TOP6BL: variants seen among roughly 807,000 people sequenced by gnomAD.
TOP6BL encodes TOP6B like initiator of meiotic double strand breaks.
At chr11:66,751,974 C>T in the TOP6BL span, among the ~76,000 whole-genome samples, 18 of 152,134 alleles carry the variant, frequency 1.2e-4, no homozygotes, top group Non-Finnish European at 7.4e-5. Context: ...GTTTCATCCT[C>T]CTGAAAAACT....
chr11:66,746,098 G>C, the TOP6BL span, among the ~76,000 whole-genome samples: 10 of 152,030 alleles, frequency 6.6e-5, no homozygotes, highest in African/African-American at 2.4e-4. Context: ...GTGAGCCACC[G>C]TGCCCGGCCC....
At chr11:66,842,561 AG>A in the TOP6BL span, among the ~76,000 whole-genome samples, 1 of 152,188 alleles carries the variant, frequency 6.6e-6, no homozygotes, top group Non-Finnish European at 1.5e-5. Flanking sequence ...TGCAGACTCC[AG>A]GAAGAATCTA....
the TOP6BL span, chr11:66,838,500 C>T: frequency 9.2e-6 from 14 of 1,516,706 alleles, no homozygotes; most frequent in East Asian, 2.3e-5. Context: ...AAGTAAAAAA[C>T]GTGAGTTCAA....
chr11:66,789,465 T>C, the TOP6BL span, among the ~76,000 whole-genome samples: 1 of 152,194 alleles, frequency 6.6e-6, no homozygotes, highest in African/African-American at 2.4e-5. Flanking sequence ...AATTATATGC[T>C]CATTCTGAAA....
chr11:66,816,142 C>T, the TOP6BL span: 4 of 1,607,310 alleles, frequency 2.5e-6, no homozygotes, highest in African/African-American at 1.3e-5. Context: ...AACTCTGCTG[C>T]TTTTTCTCTT....
At chr11:66,843,069 G>A in the TOP6BL span, 1 of 1,575,330 alleles carries the variant, frequency 6.3e-7, no homozygotes, top group Non-Finnish European at 8.6e-7. Context: ...GCCGCCTGGA[G>A]GTAACTGGGC....
chr11:66,762,143 T>G, the TOP6BL span: 4 of 868,168 alleles, frequency 4.6e-6, no homozygotes, highest in Non-Finnish European at 7.9e-6. Context: ...CCTTTCCTCC[T>G]GAATTTCATC....
chr11:66,777,616 C>T, the TOP6BL span, among the ~76,000 whole-genome samples: 2 of 151,970 alleles, frequency 1.3e-5, no homozygotes, highest in East Asian at 3.8e-4. Flanking sequence ...GTTGGCCAGG[C>T]GTGGTGGCTC....
the TOP6BL span, among the ~76,000 whole-genome samples, chr11:66,817,114 C>T: frequency 6.6e-6 from 1 of 151,892 alleles, no homozygotes; most frequent in African/African-American, 2.4e-5. Context: ...GATTGTACCA[C>T]TGCACTTCAG....
the TOP6BL span, chr11:66,761,646 G>T: frequency 4.5e-3 from 5,323 of 1,173,916 alleles, 182 homozygotes; most frequent in African/African-American, 0.071. Context: ...GGGGCTGTGC[G>T]AAGCTCCACC....
the TOP6BL span, among the ~76,000 whole-genome samples, chr11:66,792,665 C>T: frequency 3.9e-5 from 6 of 152,258 alleles, no homozygotes; most frequent in African/African-American, 1.4e-4. Context: ...TCTCATTATC[C>T]TCTTCTATAA....
chr11:66,807,140 C>T, the TOP6BL span, among the ~76,000 whole-genome samples: 7 of 152,064 alleles, frequency 4.6e-5, no homozygotes, highest in Non-Finnish European at 1.0e-4. Context: ...AGTGAAGCCT[C>T]TAAGGAGGTG....
chr11:66,798,597 C>CAAAAAAAAAAAAAAAAAAAAAAAAA, the TOP6BL span, among the ~76,000 whole-genome samples: 1 of 43,240 alleles, frequency 2.3e-5, no homozygotes. Context: ...GACTCTGTCT[C>CAAAAAAAAAAAAAAAAAAAAAAAAA]AAAAAAAAAA....
chr11:66,768,245 G>A, the TOP6BL span, among the ~76,000 whole-genome samples: 6 of 151,898 alleles, frequency 4.0e-5, no homozygotes, highest in Middle Eastern at 3.4e-3. Context: ...AATGTCTGAC[G>A]TAATCAAGTT....
chr11:66,843,507 G>GCGGCCGC, the TOP6BL span: 1 of 1,493,336 alleles, frequency 6.7e-7, no homozygotes, highest in African/African-American at 1.5e-5. Flanking sequence ...GTCGCGGCCG[G>GCGGCCGC]AGCGGCCGCC....
At chr11:66,800,720 A>C in the TOP6BL span, 1 of 1,562,792 alleles carries the variant, frequency 6.4e-7, no homozygotes, top group East Asian at 2.2e-5. Context: ...TCTATGGCTT[A>C]AGATGATGCT....
chr11:66,777,083 A>C, the TOP6BL span, among the ~76,000 whole-genome samples: 1 of 145,692 alleles, frequency 6.9e-6, no homozygotes, highest in Admixed American at 6.8e-5. Context: ...ATATCTATAT[A>C]TATCTATATA....
chr11:66,815,497 T>G, the TOP6BL span, among the ~76,000 whole-genome samples: 1 of 152,092 alleles, frequency 6.6e-6, no homozygotes, highest in East Asian at 1.9e-4. Flanking sequence ...AGAGAACAGG[T>G]TTTTTAGTCA....
chr11:66,767,954 G>C, the TOP6BL span, among the ~76,000 whole-genome samples: 1 of 152,062 alleles, frequency 6.6e-6, no homozygotes, highest in Non-Finnish European at 1.5e-5. Flanking sequence ...ACCATGCCCA[G>C]CTAGTTATTT....
Sources: allele counts gnomAD v4.1 joint callset (sites outside exome capture counted in the v4.1 genomes callset), GRCh38; gene constraint gnomAD v4.1.1; transcripts MANE v1.5; gene names NCBI Gene and HGNC (gene_info 2026-07-23, HGNC 2026-07-21).